Variants in CDKN2A observed in about 807,000 individuals in gnomAD.
CDKN2A encodes cyclin-dependent kinase inhibitor 2A.
A neutral mutation model predicts 11.1 loss-of-function variants in CDKN2A; 3 were observed. The ratio of observed to expected loss-of-function variants is 0.27; its 90% CI spans 0.12 to 0.70. CDKN2A has a LOEUF of 0.70. CDKN2A is among the 30% of genes least tolerant of loss of function. The pLI, the probability that CDKN2A is intolerant of heterozygous loss-of-function variation, is 0.77. For missense variants in CDKN2A, 265 were observed against 233.6 expected (o/e 1.13, Z -0.88); for synonymous variants, 122 against 108.1 (o/e 1.13, Z -0.80).
chr9:21,985,175 AGAT>A (rs1323507027), intron 2 of CDKN2A, among the ~76,000 whole-genome samples: 11 of 151,980 alleles, frequency 7.2e-5, no homozygotes, highest in Admixed American at 7.2e-4. Context: ...GTTACGGTTA[AGAT>A]GATAACTTCC....
rs935103818 is a variant in CDKN2A, at chr9:21,974,052, G to C, written c.150+626C>G. Among the ~76,000 whole-genome samples the C allele has an allele frequency of 6.6e-6, 1 of 151,930 alleles. No homozygotes were observed. The highest frequency in any genetic ancestry group is 2.4e-5 in the African/African-American group (1 of 41,348). ...ATTACAGGCGCCTGCCACCACCCCC[G>C]GCTACTTTTTGTATTTTTAGTAGAG... On this transcript the variant is annotated intron_variant, in intron 1 of 2. Transcript: ENST00000304494. This position sits in a 1 kb window ranked among gnomAD's most constrained non-coding sequence, Gnocchi z 5.2.
At position 21,974,656 on chromosome 9, in the gene CDKN2A, C is replaced by T. The variant is rs746788029; in HGVS notation, c.150+22G>A. ...CAGAGTCGCCCGCCATCCCCTGCTC[C>T]CGCTGCAGACCCTCTACCCACCTGG... On this transcript the variant is annotated intron_variant, in intron 1 of 2. Transcript: ENST00000304494. This position sits in a 1 kb window ranked among gnomAD's most constrained non-coding sequence, Gnocchi z 5.2. 6 of 1,614,222 alleles carry T rather than the reference C, an allele frequency of 3.7e-6. No homozygotes were observed. Among genetic ancestry groups the T allele is most frequent in the Non-Finnish European group, 5.1e-6 (6 of 1,180,048 alleles).
rs749901162 is a variant in CDKN2A, at chr9:21,994,447, C to T, written c.-176+374G>A. Reference sequence around the variant, plus strand: ...CAGACTGGGACCCACGCACCGCCCCCTGCCCATCTCCGCCCCGCAGGCGCG... The same window carrying T: ...CAGACTGGGACCCACGCACCGCCCCTTGCCCATCTCCGCCCCGCAGGCGCG... On this transcript the variant is annotated intron_variant, in intron 1 of 3. Transcript: ENST00000494262. 3 of 1,559,594 alleles carry T rather than the reference C, an allele frequency of 1.9e-6. No individual in the cohort carries two copies. The East Asian group carries it at 6.8e-5, about 35-fold the overall frequency.
At chr9:21,979,404 C>G (rs1820122778), upstream of CDKN2A, among the ~76,000 whole-genome samples, 1 of 152,128 alleles carries the variant, frequency 6.6e-6, no homozygotes, top group Non-Finnish European at 1.5e-5. Context: ...ACACATATAC[C>G]TGGAAGGGCA....
Position 21,974,771 on chromosome 9 carries a change from G to C in CDKN2A, c.57C>G (p.Ala19=), listed in dbSNP as rs1060504186. The change falls in exon 1 of 3, where the codon GCC becomes GCG. Residue 19 remains alanine (A), a synonymous_variant. Coordinates refer to ENST00000304494, the MANE Select transcript of CDKN2A (RefSeq NM_000077.5). The surrounding 1 kb of genome is among the most constrained non-coding windows in gnomAD (Gnocchi z 5.2). ...CCTCCTCTACCCGACCCCGGGCCGC[G>C]GCCGTGGCCAGCCAGTCAGCCGAAG... ...MEPSADWLAT[A]AARGRVEEVR... is the part of the protein sequence containing the mutation. The C allele has an allele frequency of 6.2e-7, 1 of 1,607,516 alleles. No individual in the cohort carries two copies. Among genetic ancestry groups the C allele is most frequent in the Non-Finnish European group, 8.5e-7 (1 of 1,179,032 alleles).
chr9:21,989,955 T>A (rs1820386076), intron 2 of CDKN2A: 1 of 152,298 alleles, frequency 6.6e-6, no homozygotes, highest in Non-Finnish European at 1.5e-5. Context: ...CCGCAGCGTC[T>A]CTAGGAATTG....
intron 1 of CDKN2A, among the ~76,000 whole-genome samples, chr9:21,973,103 T>A (rs1340512836): frequency 6.6e-6 from 1 of 152,220 alleles, no homozygotes; most frequent in African/African-American, 2.4e-5. Context: ...TTGTTTTGTG[T>A]ATTCAATGAA....
At chr9:21,986,989 TGGTGGCACTC>T (rs1820313662) in intron 2 of CDKN2A, among the ~76,000 whole-genome samples, 1 of 151,968 alleles carries the variant, frequency 6.6e-6, no homozygotes, top group Non-Finnish European at 1.5e-5. Flanking sequence ...AGCAAGAAAA[TGGTGGCACTC>T]GAGAAAAGAA....
chr9:21,984,038 C>T (rs1820251307), intron 2 of CDKN2A, among the ~76,000 whole-genome samples: 3 of 151,948 alleles, frequency 2.0e-5, no homozygotes, highest in South Asian at 2.1e-4. Flanking sequence ...ACGGTAGGCT[C>T]TCAATAAATG....
At chr9:21,973,612 A>G (rs1031488584) in intron 1 of CDKN2A, among the ~76,000 whole-genome samples, 2 of 152,144 alleles carry the variant, frequency 1.3e-5, no homozygotes, top group Non-Finnish European at 2.9e-5. Flanking sequence ...ACTCCCTCAC[A>G]AAACAGGAGT....
upstream of CDKN2A, among the ~76,000 whole-genome samples, chr9:21,978,877 A>C (rs1181482404): frequency 2.0e-5 from 3 of 152,202 alleles, no homozygotes; most frequent in Non-Finnish European, 4.4e-5. Context: ...ACTTTTATCA[A>C]AGTTACTCAA....
chr9:21,970,998 G>T lies in CDKN2A; in HGVS notation c.361C>A (p.Leu121Met). The change falls in exon 2 of 3, where the codon CTG becomes ATG. Residue 121 changes from leucine (L) to methionine (M), a missense_variant. Coordinates refer to ENST00000304494, the MANE Select transcript of CDKN2A (RefSeq NM_000077.5). ...TACCGTGCGACATCGCGATGGCCCA[G>T]CTCCTCAGCCAGGTCCACGGGCAGA... is the stretch of plus-strand genomic sequence containing the variant. ...GRLPVDLAEE[L>M]GHRDVARYLR... 1 of 1,609,610 alleles carries T rather than the reference G, an allele frequency of 6.2e-7. No individual in the cohort carries two copies. Among genetic ancestry groups the T allele is most frequent in the Non-Finnish European group, 8.5e-7 (1 of 1,179,956 alleles).
intron 2 of CDKN2A, among the ~76,000 whole-genome samples, chr9:21,987,396 A>AACACACACAC (rs375380204): frequency 0.055 from 4,921 of 89,368 alleles, 167 homozygotes; most frequent in Middle Eastern, 0.089. Context: ...CCCTTATTAC[A>AACACACACAC]ACACACACAC....
chr9:21,971,575 ATTTTT>A (rs59981968), intron 1 of CDKN2A, among the ~76,000 whole-genome samples: 1 of 111,398 alleles, frequency 9.0e-6, no homozygotes, highest in African/African-American at 4.4e-5. Flanking sequence ...AGGCCTGGAG[ATTTTT>A]TTTTTTTTTT....
intron 2 of CDKN2A, among the ~76,000 whole-genome samples, chr9:21,987,422 CACACACACACAG>C (rs1820325212): frequency 8.3e-6 from 1 of 119,764 alleles, no homozygotes; most frequent in African/African-American, 3.1e-5. Flanking sequence ...CACACACACA[CACACACACACAG>C]AGAGAGAGAG....
chr9:21,983,781 G>T (rs1264850923), intron 2 of CDKN2A, among the ~76,000 whole-genome samples: 1 of 151,944 alleles, frequency 6.6e-6, no homozygotes, highest in African/African-American at 2.4e-5. Flanking sequence ...ACTTAATGTG[G>T]GTGGCGGGAA....
upstream of CDKN2A, among the ~76,000 whole-genome samples, chr9:21,977,381 G>C (rs920008843): frequency 3.9e-5 from 6 of 152,006 alleles, no homozygotes; most frequent in African/African-American, 1.2e-4. Flanking sequence ...TTTTGAGATG[G>C]AGTTTCGCTC....
At chr9:21,994,064 A>G in intron 1 of CDKN2A, 2 of 1,496,450 alleles carry the variant, frequency 1.3e-6, no homozygotes, top group Non-Finnish European at 1.8e-6. Flanking sequence ...CTAGAGACGA[A>G]TTATCTGTTT....
chr9:21,971,493 CT>C, intron 1 of CDKN2A: 1 of 629,700 alleles, frequency 1.6e-6, no homozygotes, highest in Non-Finnish European at 2.5e-6. Flanking sequence ...GACAGACTGA[CT>C]TTTACTCCAG....
Sources: gnomAD v4.1 joint callset for allele counts (sites outside exome capture counted in the v4.1 genomes callset) on GRCh38, gnomAD v4.1.1 for gene constraint, Gnocchi (gnomAD v3.1) non-coding constraint, MANE v1.5 for transcripts, NCBI Gene and HGNC (gene_info 2026-07-23, HGNC 2026-07-21) for gene names.